Variants in MCTP2 observed in about 807,000 individuals in gnomAD.
The protein encoded by MCTP2 is multiple C2 and transmembrane domain-containing protein 2.
Under a neutral mutation model 111.6 loss-of-function variants are expected in MCTP2, and 132 were observed. The observed-to-expected ratio is 1.18, with a 90% CI of 1.03 to 1.37. MCTP2 has a LOEUF of 1.37. Ranked by LOEUF, MCTP2 falls within the 40% of genes most tolerant of loss-of-function variation. The pLI is 0.00. For missense variants in MCTP2, 1,183 were observed against 1,067.9 expected (o/e 1.11, Z -1.50); for synonymous variants, 395 against 387.7 (o/e 1.02, Z -0.22).
At chr15:94,242,162 C>G (rs764113249) in intron 1 of MCTP2, among the ~76,000 whole-genome samples, 1 of 152,112 alleles carries the variant, frequency 6.6e-6, no homozygotes, top group Non-Finnish European at 1.5e-5. Context: ...CTCCCTCAAA[C>G]CACCTTGTTA....
At chr15:94,428,487 T>G (rs2082998254) in intron 17 of MCTP2, among the ~76,000 whole-genome samples, 1 of 152,170 alleles carries the variant, frequency 6.6e-6, no homozygotes. Context: ...TATTCTTAAT[T>G]TATCCTGACA....
chr15:94,371,953 C>A (rs1463829009), intron 12 of MCTP2, among the ~76,000 whole-genome samples: 1 of 152,136 alleles, frequency 6.6e-6, no homozygotes, highest in African/African-American at 2.4e-5. Context: ...TGTTTCAGGC[C>A]AGTGTATCAT....
At chr15:94,378,300 T>C (rs1436526078) in intron 12 of MCTP2, among the ~76,000 whole-genome samples, 2 of 151,780 alleles carry the variant, frequency 1.3e-5, no homozygotes, top group African/African-American at 2.4e-5. Context: ...GGAGGGAGGA[T>C]TGCTTGAGCC....
rs1330173415 is a variant in MCTP2 at position 94,470,781 on chromosome 15, A to C, written c.2470+339A>C. Among the ~76,000 whole-genome samples, 3 of 116,550 alleles carry C rather than the reference A, an allele frequency of 2.6e-5. No individual in the cohort carries two copies. In the East Asian group the frequency reaches 8.5e-4, roughly 33 times the overall value. The allele number at this position is 116,550 out of a possible 152,430, so 76.5% of individuals were successfully genotyped here. On this transcript the variant is annotated intron_variant, in intron 21 of 22. Transcript: ENST00000357742. ...AGGAAACACTGTTCAAACAGTGAGCAAACACCTACCTGCATCATGCCCTTG... is the reference window on the plus strand; with the variant it reads ...AGGAAACACTGTTCAAACAGTGAGCCAACACCTACCTGCATCATGCCCTTG...
chr15:94,335,546 C>T (rs1364015157), intron 4 of MCTP2, among the ~76,000 whole-genome samples: 1 of 152,120 alleles, frequency 6.6e-6, no homozygotes, highest in Non-Finnish European at 1.5e-5. Flanking sequence ...AAAGACAAAA[C>T]CATGGGCCCT....
intron 7 of MCTP2, chr15:94,344,004 T>A (rs1319942424): frequency 2.0e-5 from 3 of 151,924 alleles, no homozygotes; most frequent in Admixed American, 1.3e-4. Flanking sequence ...ACCTAAAAGA[T>A]GGTAATTAAT....
intron 18 of MCTP2, among the ~76,000 whole-genome samples, chr15:94,440,667 C>T (rs1159751498): frequency 1.3e-5 from 2 of 152,166 alleles, no homozygotes; most frequent in Non-Finnish European, 2.9e-5. Context: ...ATGCAGAGAG[C>T]TCTGCAGGGC....
chr15:94,311,676 G>T (rs1175222239), intron 2 of MCTP2, among the ~76,000 whole-genome samples: 1 of 152,138 alleles, frequency 6.6e-6, no homozygotes, highest in African/African-American at 2.4e-5. Flanking sequence ...TAAGTTCTGT[G>T]ACTTTTCTGT....
At chr15:94,294,762 T>C (rs2075180104) in intron 1 of MCTP2, among the ~76,000 whole-genome samples, 1 of 152,114 alleles carries the variant, frequency 6.6e-6, no homozygotes, top group Non-Finnish European at 1.5e-5. Flanking sequence ...CAAAGGGGAA[T>C]GTAAGCCTCT....
chr15:94,322,667 A>G (rs919154634), intron 4 of MCTP2, among the ~76,000 whole-genome samples: 1 of 152,210 alleles, frequency 6.6e-6, no homozygotes, highest in Non-Finnish European at 1.5e-5. Flanking sequence ...ATCTACAACA[A>G]AGATGGTATA....
chr15:94,292,025 C>G (rs911979193), intron 1 of MCTP2, among the ~76,000 whole-genome samples: 3 of 152,018 alleles, frequency 2.0e-5, no homozygotes, highest in Non-Finnish European at 2.9e-5. Context: ...ATTTAGCCAC[C>G]ACCTTAAGAA....
intron 8 of MCTP2, among the ~76,000 whole-genome samples, chr15:94,355,304 G>A (rs2078555947): frequency 6.6e-6 from 1 of 152,212 alleles, no homozygotes; most frequent in Non-Finnish European, 1.5e-5. Flanking sequence ...TTGCCAGACA[G>A]TGAATCTGGT....
intron 1 of MCTP2, among the ~76,000 whole-genome samples, chr15:94,270,322 G>T (rs1405112928): frequency 6.6e-6 from 1 of 152,162 alleles, no homozygotes; most frequent in African/African-American, 2.4e-5. Context: ...AAAGTTGGAG[G>T]TAAAATTACC....
At chr15:94,396,348 TTTAA>T (rs1190716319) in intron 14 of MCTP2, among the ~76,000 whole-genome samples, 1 of 152,168 alleles carries the variant, frequency 6.6e-6, no homozygotes, top group Non-Finnish European at 1.5e-5. Context: ...ATTATGTCTG[TTTAA>T]TTATTTAATA....
intron 1 of MCTP2, chr15:94,274,055 ATG>A (rs1567312302): frequency 5.5e-6 from 1 of 183,112 alleles, no homozygotes; most frequent in Non-Finnish European, 1.3e-5. Flanking sequence ...TTGGCCTAGC[ATG>A]TGTTTCTTTG....
intron 1 of MCTP2, among the ~76,000 whole-genome samples, chr15:94,242,687 T>C (rs2071064960): frequency 6.6e-6 from 1 of 151,884 alleles, no homozygotes; most frequent in African/African-American, 2.4e-5. Flanking sequence ...ACTGAAAGTT[T>C]TTTTTTAAAC....
At chr15:94,315,418 C>T (rs1671830) in intron 3 of MCTP2, 111 bp from the exon 4 acceptor site, 596,653 of 696,856 alleles carry the variant, frequency 0.86, 256,062 homozygotes, top group East Asian at 0.98. Flanking sequence ...GGATGACAGT[C>T]GATCATCATA....
intron 1 of MCTP2, among the ~76,000 whole-genome samples, chr15:94,244,335 TAC>T (rs1462772711): frequency 6.7e-6 from 1 of 149,296 alleles, no homozygotes; most frequent in African/African-American, 2.4e-5. Flanking sequence ...CATGTATATA[TAC>T]ACGTATACGT....
intron 17 of MCTP2, among the ~76,000 whole-genome samples, chr15:94,421,566 C>G (rs2082630987): frequency 6.6e-6 from 1 of 152,156 alleles, no homozygotes; most frequent in African/African-American, 2.4e-5. Context: ...GAAGGCTGCC[C>G]CCACATCCCT....
Sources: allele counts gnomAD v4.1 joint callset (sites outside exome capture counted in the v4.1 genomes callset), GRCh38; gene constraint gnomAD v4.1.1; transcripts MANE v1.5; gene names NCBI Gene and HGNC (gene_info 2026-07-23, HGNC 2026-07-21).